SLC35F2: variants seen among roughly 807,000 people sequenced by gnomAD.
SLC35F2 encodes the protein solute carrier family 35 member F2.
SLC35F2 carries 25 observed loss-of-function variants against 38.1 expected under a neutral mutation model. The observed-to-expected ratio is 0.66, with a 90% CI of 0.48 to 0.92. The LOEUF is 0.92. SLC35F2 is among the 40% of genes least tolerant of loss of function. The probability of loss-of-function intolerance (pLI) is 0.00; values close to 1 mark genes in which losing one functional copy is unlikely to be tolerated. For synonymous variants in SLC35F2, 173 were observed against 181.7 expected (o/e 0.95, Z 0.38); for missense variants, 409 against 452.9 (o/e 0.90, Z 0.88).
chr11:107,827,619 T>C (rs1859774115), intron 1 of SLC35F2, among the ~76,000 whole-genome samples: 1 of 151,992 alleles, frequency 6.6e-6, no homozygotes, highest in Non-Finnish European at 1.5e-5. Flanking sequence ...CATGGTGGCA[T>C]GCACCTGTAA....
chr11:107,798,118 C>G (rs1859249805), intron 7 of SLC35F2, among the ~76,000 whole-genome samples: 1 of 152,002 alleles, frequency 6.6e-6, no homozygotes, highest in Non-Finnish European at 1.5e-5. Context: ...ATTCTTGTGC[C>G]TCGGCCTCCC....
chr11:107,858,253 A>G (rs967962811), intron 1 of SLC35F2, among the ~76,000 whole-genome samples: 4 of 152,162 alleles, frequency 2.6e-5, no homozygotes, highest in Non-Finnish European at 4.4e-5. Flanking sequence ...TCGGCAGCAG[A>G]TGGAATGAGG....
At chr11:107,817,884 C>T (rs574778123) in intron 1 of SLC35F2, among the ~76,000 whole-genome samples, 46 of 150,980 alleles carry the variant, frequency 3.0e-4, no homozygotes, top group Admixed American at 2.6e-3. Context: ...ATGGTCAAAC[C>T]CCATCTCTAC....
At chr11:107,855,129 T>A (rs77187192) in intron 1 of SLC35F2, among the ~76,000 whole-genome samples, 2,206 of 151,942 alleles carry the variant, frequency 0.015, 41 homozygotes, top group South Asian at 0.088. Flanking sequence ...CTGCCAGAGG[T>A]AGGAATGGAA....
At chr11:107,854,410 C>A (rs540657233) in intron 1 of SLC35F2, among the ~76,000 whole-genome samples, 1 of 151,932 alleles carries the variant, frequency 6.6e-6, no homozygotes, top group Admixed American at 6.6e-5. Context: ...CCAGCCTGGC[C>A]AACAGAGTGA....
chr11:107,836,738 A>C (rs78118522), intron 1 of SLC35F2, among the ~76,000 whole-genome samples: 82,243 of 151,544 alleles, frequency 0.54, 23,730 homozygotes, highest in African/African-American at 0.77. Context: ...GGGAAGATGA[A>C]TGTTGGCTTT....
chr11:107,856,600 G>A (rs1051670254), intron 1 of SLC35F2, among the ~76,000 whole-genome samples: 2 of 152,200 alleles, frequency 1.3e-5, no homozygotes, highest in African/African-American at 2.4e-5. Context: ...CGGAGGCTGA[G>A]GCAGGATAAT....
At chr11:107,816,506 C>G (rs1009462303) in intron 1 of SLC35F2, among the ~76,000 whole-genome samples, 1 of 140,408 alleles carries the variant, frequency 7.1e-6, no homozygotes, top group Non-Finnish European at 1.5e-5. Flanking sequence ...AGGCTGGTCT[C>G]AAACTCCTAG....
At chr11:107,844,553 C>T (rs1205392354) in intron 1 of SLC35F2, among the ~76,000 whole-genome samples, 1 of 151,260 alleles carries the variant, frequency 6.6e-6, no homozygotes, top group African/African-American at 2.4e-5. Context: ...ACCCGGGAGG[C>T]GGAAGTTGCA....
intron 1 of SLC35F2, among the ~76,000 whole-genome samples, chr11:107,840,491 A>G (rs1859997595): frequency 6.6e-6 from 1 of 152,236 alleles, no homozygotes; most frequent in Non-Finnish European, 1.5e-5. Context: ...TGTAAAAACT[A>G]GATTTCCCTC....
At chr11:107,833,292 T>C (rs1859878975) in intron 1 of SLC35F2, among the ~76,000 whole-genome samples, 1 of 151,760 alleles carries the variant, frequency 6.6e-6, no homozygotes, top group Admixed American at 6.6e-5. Flanking sequence ...GAGGCTGAGG[T>C]GGGCAGATCA....
chr11:107,858,570 CAG>C (rs984869315), intron 1 of SLC35F2, 86 bp downstream of exon 1: 2 of 1,174,476 alleles, frequency 1.7e-6, no homozygotes, highest in African/African-American at 3.2e-5. Context: ...CTGGGGGCCT[CAG>C]AGAGTGTGCT....
intron 1 of SLC35F2, among the ~76,000 whole-genome samples, chr11:107,839,287 C>T (rs986866822): frequency 1.3e-5 from 2 of 152,042 alleles, no homozygotes; most frequent in Non-Finnish European, 2.9e-5. Flanking sequence ...ATGGTGAAAC[C>T]CCGTCTCTAC....
rs1262168648 is a variant in SLC35F2, at chr11:107,807,276, AAAAAAAAAAACAACAAC to A, written c.415-417_415-401del. On this transcript the variant is annotated intron_variant, in intron 3 of 7. Transcript: ENST00000525815. ...ATGGTGAAACCCTGTCTGTACAAAAAAAAAAAAAAACAACAACAAAAAAAAACCTTGGGTGTGGTGGT... is the reference window on the plus strand; with the variant it reads ...ATGGTGAAACCCTGTCTGTACAAAAAAAAAAAAAACCTTGGGTGTGGTGGT... 5.1e-3 allele frequency among the ~76,000 whole-genome samples: 464 copies of A among 90,952 alleles called. 14 individuals carry two copies. The highest frequency in any genetic ancestry group is 3.3e-3 in the Non-Finnish European group (143 of 43,810). 59.7% of individuals were successfully genotyped at this position (90,952 alleles called of 152,430 possible).
chr11:107,818,103 A>AGAAAGAAAGAAAGAAG (rs1859611146), intron 1 of SLC35F2, among the ~76,000 whole-genome samples: 1 of 137,456 alleles, frequency 7.3e-6, no homozygotes, highest in African/African-American at 3.1e-5. Flanking sequence ...AAAGAAAGAA[A>AGAAAGAAAGAAAGAAG]GAAAGAAAGA....
In SLC35F2 at chr11:107,792,573, C is replaced by T. The variant is rs559163972; in HGVS notation, c.*42G>A. On this transcript the variant is annotated 3_prime_UTR_variant, in exon 8 of 8. Transcript: ENST00000525815. The stretch of plus-strand genomic sequence containing the variant: ...GTGTCCCCTCAGCAGGCAGCAGGCT[C>T]TGCTTTATCCTGGTGGGGGATGGGT... 6.5e-7 allele frequency: 1 copy of T among 1,548,374 alleles called. No homozygotes were observed. The highest frequency in any genetic ancestry group is 8.7e-7 in the Non-Finnish European group (1 of 1,148,650).
intron 1 of SLC35F2, among the ~76,000 whole-genome samples, chr11:107,832,565 G>A (rs1454787735): frequency 6.6e-6 from 1 of 152,158 alleles, no homozygotes; most frequent in Non-Finnish European, 1.5e-5. Flanking sequence ...CACTTTGAGA[G>A]GCCAAGGTGG....
intron 7 of SLC35F2, among the ~76,000 whole-genome samples, chr11:107,793,313 C>T (rs1378723427): frequency 6.6e-6 from 1 of 152,188 alleles, no homozygotes; most frequent in Non-Finnish European, 1.5e-5. Context: ...CAACAGCACC[C>T]GGCACATAAG....
At chr11:107,850,300 C>CT (rs1860158463) in intron 1 of SLC35F2, among the ~76,000 whole-genome samples, 2 of 152,118 alleles carry the variant, frequency 1.3e-5, no homozygotes, top group Non-Finnish European at 2.9e-5. Flanking sequence ...GTCTGGTTGT[C>CT]TAACACTGGT....
Sources: gnomAD v4.1 joint callset for allele counts (sites outside exome capture counted in the v4.1 genomes callset) on GRCh38, gnomAD v4.1.1 for gene constraint, MANE v1.5 for transcripts, NCBI Gene and HGNC (gene_info 2026-07-23, HGNC 2026-07-21) for gene names.